TENM1: variants seen among roughly 807,000 people sequenced by gnomAD.
TENM1 encodes teneurin-1.
In TENM1, 35 loss-of-function variants were observed where a neutral mutation model predicts 174.8. The ratio of observed to expected loss-of-function variants is 0.20; its 90% CI spans 0.15 to 0.27. The LOEUF (loss-of-function observed/expected upper bound fraction) is 0.27. Among genes scored for constraint, TENM1 ranks in the 10% least tolerant of loss-of-function variants. TENM1 has a pLI of 1.00. For missense variants in TENM1, 1,633 were observed against 2,130.1 expected, an observed-to-expected ratio of 0.77 and a Z score of 4.59; for synonymous variants, 781 against 798.7, an observed-to-expected ratio of 0.98 and a Z score of 0.37.
At chrX:124,772,647 C>T (rs1003563033) in intron 3 of TENM1, among the ~76,000 whole-genome samples, 1 of 111,020 alleles carries the variant, frequency 9.0e-6, no homozygotes, top group African/African-American at 3.3e-5. Context: ...GAAATCATCT[C>T]GGTAAAAACT....
chrX:124,518,565 A>G (rs1027100828), intron 18 of TENM1, among the ~76,000 whole-genome samples: 3 of 111,598 alleles, frequency 2.7e-5, no homozygotes, highest in African/African-American at 9.8e-5. Context: ...CCTGGCCACA[A>G]CAAAATGAAA....
At chrX:125,105,119 T>G in the TENM1 span, among the ~76,000 whole-genome samples, 1 of 111,913 alleles carries the variant, frequency 8.9e-6, no homozygotes, top group Admixed American at 9.5e-5. Flanking sequence ...AGATTGTGCA[T>G]GTGACAAGGT....
the TENM1 span, among the ~76,000 whole-genome samples, chrX:125,012,663 A>G: frequency 5.4e-5 from 6 of 111,851 alleles, no homozygotes; most frequent in African/African-American, 1.9e-4. Context: ...ATAGCATAAT[A>G]ATAATATTTG....
At chrX:124,489,299 C>T (rs2047016052) in intron 20 of TENM1, among the ~76,000 whole-genome samples, 1 of 112,321 alleles carries the variant, frequency 8.9e-6, no homozygotes, top group Admixed American at 9.4e-5. Flanking sequence ...TTAAGTTGAC[C>T]TTTGATTTTC....
chrX:124,552,926 G>A (rs766374557), intron 14 of TENM1, among the ~76,000 whole-genome samples: 31 of 110,847 alleles, frequency 2.8e-4, no homozygotes, highest in East Asian at 5.7e-4. Context: ...AAATTTCCCC[G>A]TCCTACACTC....
At chrX:125,057,702 C>A in the TENM1 span, among the ~76,000 whole-genome samples, 1 of 110,862 alleles carries the variant, frequency 9.0e-6, no homozygotes, top group Non-Finnish European at 1.9e-5. Context: ...GTGAGAAAGC[C>A]CTGGCAAAGG....
intron 3 of TENM1, among the ~76,000 whole-genome samples, chrX:124,893,510 T>C (rs1349630096): frequency 2.7e-5 from 3 of 112,491 alleles, no homozygotes; most frequent in Non-Finnish European, 5.6e-5. Context: ...TCTTCCTACA[T>C]GTTAAAAACA....
chrX:124,429,336 G>A (rs866212189), intron 23 of TENM1, among the ~76,000 whole-genome samples: 34 of 110,894 alleles, frequency 3.1e-4, no homozygotes, highest in African/African-American at 1.0e-3. Flanking sequence ...TTTTGACCAC[G>A]TGCCAGGCAC....
At chrX:124,797,112 G>A (rs756335932) in intron 3 of TENM1, among the ~76,000 whole-genome samples, 1 of 111,850 alleles carries the variant, frequency 8.9e-6, no homozygotes, top group Admixed American at 9.5e-5. Flanking sequence ...TTTGTTCCGT[G>A]TCCAAAAGTA....
At chrX:124,470,520 C>T (rs949278138) in intron 22 of TENM1, among the ~76,000 whole-genome samples, 1 of 111,153 alleles carries the variant, frequency 9.0e-6, no homozygotes, top group Non-Finnish European at 1.9e-5. Context: ...TCTTTCTATA[C>T]AGTTTGAACT....
intron 18 of TENM1, among the ~76,000 whole-genome samples, chrX:124,514,476 A>G (rs907124619): frequency 9.0e-6 from 1 of 111,290 alleles, no homozygotes; most frequent in African/African-American, 3.3e-5. Context: ...AGAAAAAAAG[A>G]GAGAAGGTCC....
chrX:124,676,310 ATATAC>A (rs2052083746), intron 5 of TENM1, among the ~76,000 whole-genome samples: 1 of 56,707 alleles, frequency 1.8e-5, no homozygotes, highest in Non-Finnish European at 3.3e-5. Context: ...ATATATATAT[ATATAC>A]TCAATGAATG....
chrX:124,772,985 T>C (rs2054692840), intron 3 of TENM1, among the ~76,000 whole-genome samples: 1 of 111,864 alleles, frequency 8.9e-6, no homozygotes, highest in South Asian at 3.7e-4. Context: ...GCTGGGTCAT[T>C]GTAGGATTAT....
At chrX:124,529,585 T>C (rs1602606263) in intron 16 of TENM1, among the ~76,000 whole-genome samples, 3 of 112,111 alleles carry the variant, frequency 2.7e-5, no homozygotes. Flanking sequence ...ATTTGCATAA[T>C]GTCACTGATC....
chrX:124,395,341 C>T (rs1376704490), intron 27 of TENM1, among the ~76,000 whole-genome samples: 1 of 110,606 alleles, frequency 9.0e-6, no homozygotes, highest in Admixed American at 9.6e-5. Flanking sequence ...GTGACACTTT[C>T]CTTTTTAAAC....
chrX:124,683,682 C>T (rs758438084), intron 5 of TENM1, among the ~76,000 whole-genome samples: 1 of 112,148 alleles, frequency 8.9e-6, no homozygotes, highest in Non-Finnish European at 1.9e-5. Context: ...ACTGGTTCTA[C>T]AATCTTTTCT....
At chrX:124,608,680 A>G (rs1193980938) in intron 11 of TENM1, among the ~76,000 whole-genome samples, 1 of 111,182 alleles carries the variant, frequency 9.0e-6, no homozygotes, top group Non-Finnish European at 1.9e-5. Flanking sequence ...TTGTGCAAAC[A>G]TTGATCTGCT....
Position 124,864,737 on chromosome X carries a change from T to C in TENM1, c.535+29559A>G, listed in dbSNP as rs768653969. Among the ~76,000 whole-genome samples the C allele has an allele frequency of 2.1e-3, 227 of 109,740 alleles. 1 individual carries two copies. Among genetic ancestry groups the C allele is most frequent in the African/African-American group, 6.9e-3 (208 of 30,119 alleles). On this transcript the variant is annotated intron_variant, in intron 3 of 31. Transcript: ENST00000422452. ...AACTTCCCAAACCTAGAGAAACATA[T>C]CAATAATGAAGTACAAGAAGATTAT...
chrX:124,650,282 T>G (rs1464014391), intron 8 of TENM1, among the ~76,000 whole-genome samples: 1 of 106,924 alleles, frequency 9.4e-6, no homozygotes, highest in Admixed American at 1.0e-4. Flanking sequence ...TTTGGGAAAA[T>G]TTACTTGAGT....
Sources: gnomAD v4.1 joint callset for allele counts (sites outside exome capture counted in the v4.1 genomes callset) on GRCh38, gnomAD v4.1.1 for gene constraint, MANE v1.5 for transcripts, NCBI Gene and HGNC (gene_info 2026-07-23, HGNC 2026-07-21) for gene names.